The following MGAT4C variants were observed in gnomAD, a reference collection of about 807,000 sequenced individuals.
The protein encoded by MGAT4C is alpha-1,3-mannosyl-glycoprotein 4-beta-N-acetylglucosaminyltransferase C.
A neutral mutation model predicts 40.1 loss-of-function variants in MGAT4C; 19 were observed. The ratio of observed to expected loss-of-function variants is 0.47; its 90% CI spans 0.33 to 0.70. The LOEUF (loss-of-function observed/expected upper bound fraction) is 0.70, where lower values mean the gene tolerates loss of function less well. Among genes scored for constraint, MGAT4C ranks in the 30% least tolerant of loss-of-function variants. The pLI is 0.02. For synonymous variants in MGAT4C, 181 were observed against 187.1 expected, an observed-to-expected ratio of 0.97 and a Z score of 0.27; for missense variants, 491 against 563.2, an observed-to-expected ratio of 0.87 and a Z score of 1.30.
At chr12:86,751,860 T>C (rs1269416222) in intron 1 of MGAT4C, among the ~76,000 whole-genome samples, 1 of 152,018 alleles carries the variant, frequency 6.6e-6, no homozygotes, top group East Asian at 1.9e-4. Flanking sequence ...AATAAGGAAA[T>C]AGAAGAGTAT....
chr12:86,777,286 T>C (rs940064091), intron 1 of MGAT4C, among the ~76,000 whole-genome samples: 1 of 152,242 alleles, frequency 6.6e-6, no homozygotes, highest in African/African-American at 2.4e-5. Context: ...AATGATTTAA[T>C]ATATTTACCA....
At position 86,213,635 on chromosome 12, in the gene MGAT4C, C is replaced by G. The variant is rs545434608; in HGVS notation, c.-57+42604G>C. ...CAATTATTTAAAAAAAACAGTATAT[C>G]AATCTGAAAATGCATCAGCATGCTA... On this transcript the variant is annotated intron_variant, in intron 1 of 4. Coordinates refer to ENST00000611864, the MANE Select transcript of MGAT4C (RefSeq NM_001351288.2). Among the ~76,000 whole-genome samples, 7 of 152,122 alleles carry G rather than the reference C, an allele frequency of 4.6e-5. No homozygotes were observed. In the South Asian group the frequency reaches 1.5e-3, roughly 32 times the overall value.
chr12:86,761,259 G>A lies in MGAT4C; in HGVS notation c.-261-34018C>T, dbSNP rs139211376. Among the ~76,000 whole-genome samples the A allele has an allele frequency of 1.6e-3, 238 of 152,226 alleles. 1 individual carries two copies. Among genetic ancestry groups the A allele is most frequent in the African/African-American group, 5.5e-3 (229 of 41,542 alleles). ...CCAGGGAAGTAAGCTAAGGGTTTTG[G>A]GAGGACTGTAACTTGATGCCTTTGG... On this transcript the variant is annotated intron_variant, in intron 1 of 7. Coordinates refer to the MGAT4C transcript ENST00000548651.
At chr12:86,205,761 C>T (rs1045650803) in intron 1 of MGAT4C, among the ~76,000 whole-genome samples, 3 of 151,658 alleles carry the variant, frequency 2.0e-5, no homozygotes, top group African/African-American at 7.3e-5. Flanking sequence ...TCTATATTTC[C>T]AGAATTTTAA....
At chr12:86,716,798 G>C (rs1411593826) in intron 2 of MGAT4C, among the ~76,000 whole-genome samples, 1 of 152,060 alleles carries the variant, frequency 6.6e-6, no homozygotes, top group Non-Finnish European at 1.5e-5. Context: ...TCATATATTT[G>C]AAAGTTAAGT....
intron 1 of MGAT4C, among the ~76,000 whole-genome samples, chr12:86,074,042 T>A (rs1026886300): frequency 1.3e-5 from 2 of 152,128 alleles, no homozygotes; most frequent in Non-Finnish European, 2.9e-5. Flanking sequence ...GGTAATTGAA[T>A]CATGGGGGCC....
chr12:86,238,305 A>C (rs770430875), intron 1 of MGAT4C, among the ~76,000 whole-genome samples: 15 of 152,140 alleles, frequency 9.9e-5, no homozygotes, highest in South Asian at 2.1e-4. Flanking sequence ...CCATGATAAA[A>C]ATAATTTACT....
chr12:86,470,440 A>G (rs1361699809), intron 2 of MGAT4C, among the ~76,000 whole-genome samples: 1 of 152,160 alleles, frequency 6.6e-6, no homozygotes, highest in Non-Finnish European at 1.5e-5. Context: ...GAAATAAGAC[A>G]GCCCACACTC....
rs1883667424 is a variant in MGAT4C, at chr12:85,972,420, G to A, written c.*6869C>T. On this transcript the variant is annotated 3_prime_UTR_variant, in exon 5 of 5. Transcript: ENST00000611864. ...GATATCAAATGCCCTTTTGAAAATT[G>A]AGACTGATTTCTAAAACAAAAAAAA... 1 of 150,682 alleles carries A rather than the reference G, an allele frequency of 6.6e-6. No individual in the cohort carries two copies. The highest frequency in any genetic ancestry group is 2.4e-5 in the African/African-American group (1 of 41,210). 9.3% of individuals were successfully genotyped at this position (150,682 alleles called of 1,614,324 possible). A position where few individuals can be genotyped will look rare whatever the true frequency, so the allele number is the denominator to read the frequency against.
rs1292255864 is a variant in MGAT4C at position 86,038,567 on chromosome 12, T to TA, written c.-7+11106_-7+11107insT. Among the ~76,000 whole-genome samples the TA allele has an allele frequency of 3.0e-3, 453 of 149,502 alleles. 11 individuals carry two copies. Among genetic ancestry groups the TA allele is most frequent in the African/African-American group, 0.011 (434 of 41,238 alleles). On this transcript the variant is annotated intron_variant, in intron 2 of 4. Transcript: ENST00000611864. ...TTATTTATTTATTTATTTATTTATT[T>TA]TTTTGCTTTCCATTTGCTTGGTAAA...
At chr12:86,825,142 C>A (rs1345827717) in intron 1 of MGAT4C, among the ~76,000 whole-genome samples, 1 of 151,000 alleles carries the variant, frequency 6.6e-6, no homozygotes, top group Non-Finnish European at 1.5e-5. Flanking sequence ...AAGGTATGTA[C>A]TTAATGCCTA....
At chr12:86,702,208 A>AT (rs34991687) in intron 2 of MGAT4C, among the ~76,000 whole-genome samples, 55,802 of 138,632 alleles carry the variant, frequency 0.4, 11,955 homozygotes, top group Admixed American at 0.52. Flanking sequence ...ACACCCAGCT[A>AT]TTTTTTTTTT....
At position 86,558,739 on chromosome 12, in the gene MGAT4C, G is replaced by A. The variant is rs564591562; in HGVS notation, c.-228-123474C>T. On this transcript the variant is annotated intron_variant, in intron 2 of 7. Coordinates refer to the MGAT4C transcript ENST00000548651. ...TCACTCATAGAGCAGATACACAAAT[G>A]AGAAATAGAAAGGAGTCAAACATTA... Among the ~76,000 whole-genome samples, 5 of 152,008 alleles carry A rather than the reference G, an allele frequency of 3.3e-5. No individual in the cohort carries two copies. In the South Asian group the frequency reaches 8.3e-4, roughly 25 times the overall value.
intron 2 of MGAT4C, among the ~76,000 whole-genome samples, chr12:86,539,350 G>T (rs1189697258): frequency 1.3e-5 from 2 of 152,146 alleles, no homozygotes; most frequent in East Asian, 1.9e-4. Context: ...CAAAGGACAT[G>T]AACTCATCAT....
chr12:86,691,659 TATA>T (rs1950175191), intron 2 of MGAT4C, among the ~76,000 whole-genome samples: 1 of 152,092 alleles, frequency 6.6e-6, no homozygotes, highest in Non-Finnish European at 1.5e-5. Context: ...TATTAGGAAA[TATA>T]ATATTATACA....
intron 3 of MGAT4C, among the ~76,000 whole-genome samples, chr12:86,338,982 A>C (rs890190175): frequency 3.4e-5 from 5 of 146,782 alleles, no homozygotes; most frequent in African/African-American, 1.3e-4. Flanking sequence ...AAAAAAAAAA[A>C]CAGAGAGAAA....
At chr12:86,657,725 G>A (rs2217233) in intron 2 of MGAT4C, among the ~76,000 whole-genome samples, 6 of 151,600 alleles carry the variant, frequency 4.0e-5, no homozygotes, top group Admixed American at 2.0e-4. Context: ...ATATGCTGGA[G>A]GATTTTATTA....
intron 2 of MGAT4C, among the ~76,000 whole-genome samples, chr12:86,535,779 G>A (rs1355142932): frequency 1.3e-5 from 2 of 152,008 alleles, no homozygotes; most frequent in Non-Finnish European, 2.9e-5. Context: ...TGGAGTTTGG[G>A]ATTATCACAT....
intron 1 of MGAT4C, among the ~76,000 whole-genome samples, chr12:86,123,146 C>G (rs1799390720): frequency 6.6e-6 from 1 of 152,042 alleles, no homozygotes. Context: ...AGTGGCCACT[C>G]AAGATTTCTT....
Sources: gnomAD v4.1 joint callset for allele counts (sites outside exome capture counted in the v4.1 genomes callset) on GRCh38, gnomAD v4.1.1 for gene constraint, MANE v1.5 for transcripts, NCBI Gene and HGNC (gene_info 2026-07-23, HGNC 2026-07-21) for gene names.